The following SUGP1 variants were observed in gnomAD, a reference collection of about 807,000 sequenced individuals.
SUGP1 encodes SURP and G-patch domain containing 1.
SUGP1 carries 34 observed loss-of-function variants against 76.5 expected under a neutral mutation model. That is an observed-to-expected ratio of 0.44 (90% confidence interval 0.34 to 0.59). The LOEUF is 0.59. SUGP1 is among the 20% of genes least tolerant of loss of function. SUGP1 has a pLI of 0.01. For missense variants in SUGP1, 752 were observed against 851.7 expected (o/e 0.88, Z 1.46); for synonymous variants, 326 against 326.2 (o/e 1.00, Z 0.01).
chr19:19,303,941 G>A (rs770693155), intron 4 of SUGP1, 94 bp from the exon 5 acceptor site: 1 of 1,601,898 alleles, frequency 6.2e-7, no homozygotes, highest in Admixed American at 1.7e-5. Context: ...GAGGGGGTGG[G>A]GGGAGAAGAG....
chr19:19,295,499 G>A (rs981295477), intron 8 of SUGP1, among the ~76,000 whole-genome samples: 22 of 151,420 alleles, frequency 1.5e-4, no homozygotes, highest in Non-Finnish European at 2.9e-5. Flanking sequence ...AGCTACTTGG[G>A]AGGCTGAGGC....
intron 8 of SUGP1, among the ~76,000 whole-genome samples, chr19:19,289,996 C>T (rs375248971): frequency 6.6e-6 from 1 of 152,056 alleles, no homozygotes; most frequent in East Asian, 1.9e-4. Context: ...CGGCCCCCAA[C>T]CCCTAATCTC....
chr19:19,301,055 A>AGG (rs1234831655), intron 7 of SUGP1, among the ~76,000 whole-genome samples: 1 of 152,162 alleles, frequency 6.6e-6, no homozygotes, highest in African/African-American at 2.4e-5. Flanking sequence ...TTATTTATAT[A>AGG]GCCTTAATCA....
intron 2 of SUGP1, among the ~76,000 whole-genome samples, chr19:19,312,476 T>A (rs1348231101): frequency 6.6e-6 from 1 of 152,162 alleles, no homozygotes; most frequent in African/African-American, 2.4e-5. Flanking sequence ...CGTTCCACCA[T>A]ATGGATGTAC....
At chr19:19,280,159 C>T in intron 9 of SUGP1, 26 bp downstream of exon 9, 5 of 1,607,568 alleles carry the variant, frequency 3.1e-6, no homozygotes, top group Non-Finnish European at 4.3e-6. Context: ...GACCATGTCC[C>T]CGTCCCCTTG....
At chr19:19,320,150 A>C (rs1674593456) in intron 1 of SUGP1, among the ~76,000 whole-genome samples, 2 of 152,322 alleles carry the variant, frequency 1.3e-5, no homozygotes, top group African/African-American at 4.8e-5. Flanking sequence ...GGGACAGCCC[A>C]AGGTTGTCGC....
chr19:19,278,234 AG>A (rs2061069283), intron 11 of SUGP1, among the ~76,000 whole-genome samples: 2 of 152,192 alleles, frequency 1.3e-5, no homozygotes, highest in Non-Finnish European at 2.9e-5. Flanking sequence ...ATGGACAACG[AG>A]GTTACCACCT....
intron 2 of SUGP1, among the ~76,000 whole-genome samples, chr19:19,315,979 G>A (rs1599874009): frequency 1.3e-5 from 2 of 151,946 alleles, no homozygotes; most frequent in African/African-American, 4.8e-5. Context: ...CTACAGGCAC[G>A]TGCCACAATG....
At chr19:19,309,966 G>T in intron 3 of SUGP1, 131 bp downstream of exon 3, 1 of 614,172 alleles carries the variant, frequency 1.6e-6, no homozygotes. Context: ...GTGCACGCAT[G>T]GGTGGAATGA....
chr19:19,311,071 T>TC (rs375861203), intron 2 of SUGP1, among the ~76,000 whole-genome samples: 2 of 150,526 alleles, frequency 1.3e-5, no homozygotes, highest in African/African-American at 4.9e-5. Context: ...TTTTTTTTTT[T>TC]GGTAGAGGTA....
At chr19:19,287,542 A>G (rs2061150815) in intron 8 of SUGP1, among the ~76,000 whole-genome samples, 1 of 152,210 alleles carries the variant, frequency 6.6e-6, no homozygotes, top group African/African-American at 2.4e-5. Flanking sequence ...AGCCTGGGCA[A>G]CACACAAACA....
At chr19:19,289,663 G>A (rs909791650) in intron 8 of SUGP1, among the ~76,000 whole-genome samples, 45 of 152,074 alleles carry the variant, frequency 3.0e-4, no homozygotes, top group African/African-American at 8.2e-4. Context: ...CAGGAGGATC[G>A]CTTGAACCTG....
In SUGP1 at chr19:19,277,917, G is replaced by A. The variant is rs746332385; in HGVS notation, c.1636-38C>T. 1.6e-5 allele frequency: 25 copies of A among 1,607,276 alleles called. No individual in the cohort carries two copies. In the Admixed American group the frequency reaches 1.7e-4, roughly 11 times the overall value. On this transcript the variant is annotated intron_variant, in intron 11 of 13. Coordinates refer to ENST00000247001, the MANE Select transcript of SUGP1 (RefSeq NM_172231.4). ...GAGGTAGCTGTCACCCACCAGGGCT[G>A]GGGCTGTGGTGGCCCCCAAATCCAA... is the stretch of plus-strand genomic sequence containing the variant.
chr19:19,296,083 G>A (rs1007016657), intron 8 of SUGP1, among the ~76,000 whole-genome samples: 1 of 152,152 alleles, frequency 6.6e-6, no homozygotes, highest in Non-Finnish European at 1.5e-5. Flanking sequence ...TTGGGAGGCC[G>A]AGGCAGGAGG....
intron 8 of SUGP1, among the ~76,000 whole-genome samples, chr19:19,283,477 C>T (rs1398903515): frequency 6.6e-6 from 1 of 150,946 alleles, no homozygotes; most frequent in Non-Finnish European, 1.5e-5. Context: ...GTTTTTGAGA[C>T]AGAGTCTCAC....
chr19:19,291,889 T>TCA (rs541521385), intron 8 of SUGP1, among the ~76,000 whole-genome samples: 14,120 of 128,394 alleles, frequency 0.11, 811 homozygotes, highest in East Asian at 0.15. Flanking sequence ...TGAGACTCTG[T>TCA]CACACACACA....
At chr19:19,315,781 G>A (rs542240690) in intron 2 of SUGP1, among the ~76,000 whole-genome samples, 1 of 152,102 alleles carries the variant, frequency 6.6e-6, no homozygotes, top group African/African-American at 2.4e-5. Context: ...GCTCTGGGGC[G>A]GCACCTGCAT....
chr19:19,291,889 T>TCACACACA (rs541521385), intron 8 of SUGP1, among the ~76,000 whole-genome samples: 7,514 of 128,506 alleles, frequency 0.058, 278 homozygotes, highest in Non-Finnish European at 0.071. Flanking sequence ...TGAGACTCTG[T>TCACACACA]CACACACACA....
At chr19:19,277,252 G>C (rs1051026492) in intron 12 of SUGP1, among the ~76,000 whole-genome samples, 176 bp from the exon 13 acceptor site, 54 of 116,066 alleles carry the variant, frequency 4.7e-4, no homozygotes, top group African/African-American at 1.7e-3. Flanking sequence ...CGGGGCGGGC[G>C]GGGGGGGGGG....
Sources: gnomAD v4.1 joint callset for allele counts (sites outside exome capture counted in the v4.1 genomes callset) on GRCh38, gnomAD v4.1.1 for gene constraint, MANE v1.5 for transcripts, NCBI Gene and HGNC (gene_info 2026-07-23, HGNC 2026-07-21) for gene names.